Variants in RIN3 observed in about 807,000 individuals in gnomAD.
The protein encoded by RIN3 is RAB5 interacting protein 3.
A neutral mutation model predicts 76.3 loss-of-function variants in RIN3; 54 were observed. The observed-to-expected ratio is 0.71, with a 90% CI of 0.57 to 0.89. The LOEUF (loss-of-function observed/expected upper bound fraction) is 0.89. RIN3 is among the 40% of genes least tolerant of loss of function. RIN3 has a pLI of 0.00. For missense variants in RIN3, 1,256 were observed against 1,322.1 expected, an observed-to-expected ratio of 0.95 and a Z score of 0.78; for synonymous variants, 576 against 564.0, an observed-to-expected ratio of 1.02 and a Z score of -0.30.
rs1212840116 is a variant in RIN3, at chr14:92,577,449, C to T, written c.339C>T (p.Leu113=). The stretch of plus-strand genomic sequence containing the variant: ...TGAACGAAAGCTCGGCCGAGGTGCT[C>T]GAATACACCATTAAGGAAGAAAAGT... ...PSLNESSAEV[L]EYTIKEEKSI... is the part of the protein sequence containing the mutation. Residue 113 remains leucine, a synonymous_variant, in exon 3 of 10, where the codon CTC becomes CTT. Coordinates refer to ENST00000216487, the MANE Select transcript of RIN3 (RefSeq NM_024832.5). The T allele has an allele frequency of 2.4e-5, 39 of 1,612,642 alleles. No homozygotes were observed. In the East Asian group the frequency reaches 2.7e-4, roughly 11 times the overall value.
At position 92,656,183 on chromosome 14, in the gene RIN3, G is replaced by A. The variant is rs1887659454; in HGVS notation, c.2027-2978G>A. 6.6e-6 allele frequency among the ~76,000 whole-genome samples: 1 copy of A among 152,218 alleles called. No individual in the cohort carries two copies. On this transcript the variant is annotated intron_variant, in intron 6 of 9. Transcript: ENST00000216487. This position sits in a 1 kb window ranked among gnomAD's most constrained non-coding sequence, Gnocchi z 5.2. ...GTGTAAGAGCTGAGGCCCAAAGGAG[G>A]AGTCAGGGATGCTAAGCCGTGGAAA... is the stretch of plus-strand genomic sequence containing the variant.
chr14:92,679,234 G>C (rs1957666), intron 8 of RIN3, among the ~76,000 whole-genome samples: 43,565 of 152,160 alleles, frequency 0.29, 7,089 homozygotes, highest in Non-Finnish European at 0.36. Flanking sequence ...GAGCCCCCCA[G>C]CCCACCTCTG....
At chr14:92,569,866 G>A (rs546109623) in intron 2 of RIN3, among the ~76,000 whole-genome samples, 8 of 152,286 alleles carry the variant, frequency 5.3e-5, no homozygotes, top group East Asian at 3.9e-4. Context: ...CCTGACCCGC[G>A]TAGACCTGCA....
intron 4 of RIN3, among the ~76,000 whole-genome samples, chr14:92,616,880 C>A (rs1885989370): frequency 6.6e-6 from 1 of 152,150 alleles, no homozygotes; most frequent in African/African-American, 2.4e-5. Flanking sequence ...AAGAAGAAAA[C>A]CTGGTCTGTT....
At chr14:92,590,575 T>C (rs1487345538) in intron 3 of RIN3, among the ~76,000 whole-genome samples, 3 of 152,238 alleles carry the variant, frequency 2.0e-5, no homozygotes, top group South Asian at 2.1e-4. Flanking sequence ...ACGAGCACCG[T>C]GCTTCCTGTA....
chr14:92,664,364 CTTTTTTTTTT>C (rs373597134), intron 7 of RIN3, among the ~76,000 whole-genome samples: 11 of 84,446 alleles, frequency 1.3e-4, no homozygotes, highest in African/African-American at 4.4e-4. Context: ...TTCTTTCTTT[CTTTTTTTTTT>C]TTTTTTTTTT....
At chr14:92,554,648 C>T (rs1026839324) in intron 1 of RIN3, among the ~76,000 whole-genome samples, 11 of 152,186 alleles carry the variant, frequency 7.2e-5, no homozygotes, top group Non-Finnish European at 1.0e-4. Flanking sequence ...TTGCTGGGCA[C>T]GATGGTTCAC....
At chr14:92,579,577 G>A (rs866720659) in intron 3 of RIN3, among the ~76,000 whole-genome samples, 4 of 152,246 alleles carry the variant, frequency 2.6e-5, no homozygotes, top group African/African-American at 9.6e-5. Context: ...CCAAGCACTG[G>A]TTTACATCTC....
chr14:92,682,275 GA>G (rs1203375136), intron 8 of RIN3, among the ~76,000 whole-genome samples: 3 of 152,142 alleles, frequency 2.0e-5, no homozygotes, highest in Non-Finnish European at 4.4e-5. Context: ...CCACCTACTG[GA>G]CCAGGGTGTG....
rs1888816233 is a variant in RIN3, at chr14:92,685,341, G to C, written c.2631+191G>C. Reference sequence around the variant, plus strand: ...GCTGCCAGTGTGTGTCCAGGACTTGGGTGCGTCTAGAAACATATCAGCAGG... The same window carrying C: ...GCTGCCAGTGTGTGTCCAGGACTTGCGTGCGTCTAGAAACATATCAGCAGG... On this transcript the variant is annotated intron_variant, in intron 9 of 9. Coordinates refer to ENST00000216487, the MANE Select transcript of RIN3 (RefSeq NM_024832.5). This position sits in a 1 kb window ranked among gnomAD's most constrained non-coding sequence, Gnocchi z 4.7. 1.1e-5 allele frequency: 7 copies of C among 609,770 alleles called. No individual in the cohort carries two copies. The highest frequency in any genetic ancestry group is 1.8e-5 in the African/African-American group (1 of 54,084). The allele number at this position is 609,770 out of a possible 1,614,324, so 37.8% of individuals were successfully genotyped here.
At chr14:92,546,114 A>G (rs901191400) in intron 1 of RIN3, among the ~76,000 whole-genome samples, 1 of 152,006 alleles carries the variant, frequency 6.6e-6, no homozygotes, top group Admixed American at 6.6e-5. Context: ...TAGTAGAGAC[A>G]GGGTTTCACC....
chr14:92,672,315 G>C (rs1888312204), intron 7 of RIN3, among the ~76,000 whole-genome samples: 1 of 152,296 alleles, frequency 6.6e-6, no homozygotes, highest in East Asian at 1.9e-4. Context: ...AGGAGGCTGA[G>C]ACAGGAGAAT....
At position 92,653,020 on chromosome 14, in the gene RIN3, G is replaced by C; in HGVS notation, c.1971G>C (p.Gln657His). Reference sequence around the variant, plus strand: ...CCCAGCTCAAGAGCTACCTGCTGCAGAGCACCGAGCTCAAGGCCCTGGTGG... The same window carrying C: ...CCCAGCTCAAGAGCTACCTGCTGCACAGCACCGAGCTCAAGGCCCTGGTGG... Reference protein sequence around the residue: ...MMTQLKSYLLQSTELKALVDP... With the variant: ...MMTQLKSYLLHSTELKALVDP... Residue 657 changes from glutamine (Q) to histidine (H), a missense_variant, in exon 6 of 10, where the codon CAG becomes CAC. By Grantham distance (24) the Gln-to-His change is conservative. Coordinates refer to ENST00000216487, the MANE Select transcript of RIN3 (RefSeq NM_024832.5). The C allele has an allele frequency of 6.2e-7, 1 of 1,611,140 alleles. No homozygotes were observed. Among genetic ancestry groups the C allele is most frequent in the Non-Finnish European group, 8.5e-7 (1 of 1,179,976 alleles).
chr14:92,588,613 A>G (rs1421570116), intron 3 of RIN3, among the ~76,000 whole-genome samples: 4 of 152,060 alleles, frequency 2.6e-5, no homozygotes, highest in Non-Finnish European at 5.9e-5. Context: ...TCAGTATCCT[A>G]AAGACCCTAC....
At chr14:92,659,123 T>C in intron 6 of RIN3, 38 bp from the exon 7 acceptor site, 1 of 1,597,028 alleles carries the variant, frequency 6.3e-7, no homozygotes, top group Non-Finnish European at 8.6e-7. Flanking sequence ...GATCCCTGCA[T>C]CTGGTTTCCT....
At chr14:92,640,057 G>C (rs1886945235) in intron 4 of RIN3, among the ~76,000 whole-genome samples, 1 of 135,532 alleles carries the variant, frequency 7.4e-6, no homozygotes. Context: ...TTCGTCGGGG[G>C]CTGCCTGACT....
At chr14:92,627,626 G>A (rs1324142805) in intron 4 of RIN3, among the ~76,000 whole-genome samples, 6 of 150,104 alleles carry the variant, frequency 4.0e-5, no homozygotes, top group Non-Finnish European at 8.9e-5. Flanking sequence ...TGGTCGCCAC[G>A]GTATTTGTAG....
At position 92,687,908 on chromosome 14, in the gene RIN3, C is replaced by A. The variant is rs1355318358; in HGVS notation, c.2632-18C>A. ...GACAGGGCCCCGCCGTGACCACAGG[C>A]CCCTCGCGTCTCCGCAGGACTTCAT... On this transcript the variant is annotated intron_variant, in intron 9 of 9. Coordinates refer to ENST00000216487, the MANE Select transcript of RIN3 (RefSeq NM_024832.5). 8 of 1,528,544 alleles carry A rather than the reference C, an allele frequency of 5.2e-6. No individual in the cohort carries two copies. Among genetic ancestry groups the A allele is most frequent in the Non-Finnish European group, 7.0e-6 (8 of 1,138,982 alleles). The allele number at this position is 1,528,544 out of a possible 1,614,324, so 94.7% of individuals were successfully genotyped here. A position where few individuals can be genotyped will look rare whatever the true frequency, so the allele number is the denominator to read the frequency against.
chr14:92,684,295 G>A (rs185642643), intron 8 of RIN3, among the ~76,000 whole-genome samples: 12 of 148,946 alleles, frequency 8.1e-5, no homozygotes, highest in Non-Finnish European at 1.6e-4. Context: ...TAGGAGAATC[G>A]CTTGAACGTG....
Sources: gnomAD v4.1 joint callset for allele counts (sites outside exome capture counted in the v4.1 genomes callset) on GRCh38, gnomAD v4.1.1 for gene constraint, Gnocchi (gnomAD v3.1) non-coding constraint, MANE v1.5 for transcripts, NCBI Gene and HGNC (gene_info 2026-07-23, HGNC 2026-07-21) for gene names.